Variants in CDH12 observed in about 807,000 individuals in gnomAD.
CDH12 encodes the protein cadherin-12.
Under a neutral mutation model 74.1 loss-of-function variants are expected in CDH12, and 41 were observed. The ratio of observed to expected loss-of-function variants is 0.55; its 90% CI spans 0.43 to 0.72. The LOEUF (loss-of-function observed/expected upper bound fraction) is 0.72. Among genes scored for constraint, CDH12 ranks in the 30% least tolerant of loss-of-function variants. The pLI is 0.00. For missense variants in CDH12, 945 were observed against 977.2 expected (o/e 0.97, Z 0.44); for synonymous variants, 399 against 355.0 (o/e 1.12, Z -1.39).
intron 3 of CDH12, among the ~76,000 whole-genome samples, chr5:22,397,693 A>T (rs1742517670): frequency 6.6e-6 from 1 of 152,106 alleles, no homozygotes; most frequent in Non-Finnish European, 1.5e-5. Context: ...GCTACAGTTT[A>T]ATTGTATTTC....
intron 3 of CDH12, among the ~76,000 whole-genome samples, chr5:22,355,167 A>G (rs1740509075): frequency 8.4e-6 from 1 of 118,468 alleles, no homozygotes. Context: ...TGGGTATCAT[A>G]ATGACTGTCA....
chr5:22,743,288 AT>A (rs1745127606), intron 1 of CDH12, among the ~76,000 whole-genome samples: 5 of 146,230 alleles, frequency 3.4e-5, no homozygotes, highest in Admixed American at 2.8e-4. Flanking sequence ...ATATGTATAT[AT>A]ATGTATATGT....
intron 1 of CDH12, among the ~76,000 whole-genome samples, chr5:22,769,358 C>A (rs906056039): frequency 6.6e-6 from 1 of 152,112 alleles, no homozygotes; most frequent in East Asian, 1.9e-4. Context: ...GTGCTGGATG[C>A]TTCCTGCCCT....
rs149070216 is a variant in CDH12 at position 22,629,758 on chromosome 5, C to A, written c.-522-124394G>T. 7.2e-5 allele frequency among the ~76,000 whole-genome samples: 11 copies of A among 152,114 alleles called. No homozygotes were observed. The South Asian group carries it at 8.3e-4, about 11-fold the overall frequency. ...TTAATGTAGTACTGGAAATCCTAGT[C>A]AGAGTAATTAGGTAAGAGAAAGAAA... is the stretch of plus-strand genomic sequence containing the variant. On this transcript the variant is annotated intron_variant, in intron 1 of 14. Transcript: ENST00000382254.
chr5:21,927,302 C>T (rs764917430), intron 6 of CDH12, among the ~76,000 whole-genome samples: 1 of 151,988 alleles, frequency 6.6e-6, no homozygotes, highest in Non-Finnish European at 1.5e-5. Context: ...TATAATAAAT[C>T]AGGCCGGGCA....
intron 6 of CDH12, among the ~76,000 whole-genome samples, chr5:21,918,696 T>A (rs963744048): frequency 3.3e-5 from 5 of 152,134 alleles, no homozygotes; most frequent in Admixed American, 2.6e-4. Context: ...TACCTCCACT[T>A]GGTCCCACTC....
chr5:22,623,999 G>A (rs1465513782), intron 1 of CDH12, among the ~76,000 whole-genome samples: 2 of 152,114 alleles, frequency 1.3e-5, no homozygotes, highest in Non-Finnish European at 2.9e-5. Flanking sequence ...AGAGCCCTCA[G>A]AAATAATACC....
chr5:22,164,164 C>T (rs1172048507), intron 4 of CDH12, among the ~76,000 whole-genome samples: 2 of 152,216 alleles, frequency 1.3e-5, no homozygotes, highest in African/African-American at 4.8e-5. Context: ...TCCAAAATGG[C>T]GGCGGGCCAC....
chr5:22,763,199 C>A (rs920274534), intron 1 of CDH12, among the ~76,000 whole-genome samples: 1 of 151,818 alleles, frequency 6.6e-6, no homozygotes, highest in African/African-American at 2.4e-5. Context: ...AGTCTGAGAA[C>A]CACATCTCTA....
chr5:22,268,875 T>C (rs1043497870), intron 3 of CDH12, among the ~76,000 whole-genome samples: 1 of 152,092 alleles, frequency 6.6e-6, no homozygotes, highest in African/African-American at 2.4e-5. Flanking sequence ...TTAGGCTAGG[T>C]GTGATCTCCT....
intron 3 of CDH12, among the ~76,000 whole-genome samples, chr5:22,335,258 C>A (rs1436729506): frequency 1.3e-5 from 2 of 152,136 alleles, no homozygotes; most frequent in Non-Finnish European, 2.9e-5. Context: ...GTGGGAGGGA[C>A]CCCGTGGGAG....
chr5:22,314,971 T>TTTTTTTTTTTA lies in CDH12; in HGVS notation c.-333+90285_-333+90286insTAAAAAAAAAA, dbSNP rs1738556943. On this transcript the variant is annotated intron_variant, in intron 3 of 14. Transcript: ENST00000382254. ...TTTTTTTTTTTTTTTTTTTTTTTTT[T>TTTTTTTTTTTA]GAGATGGAGTATCCCTCTGTCACCC... Among the ~76,000 whole-genome samples, 2 of 106,448 alleles carry TTTTTTTTTTTA rather than the reference T, an allele frequency of 1.9e-5. 1 individual carries two copies. Among genetic ancestry groups the TTTTTTTTTTTA allele is most frequent in the African/African-American group, 7.4e-5 (2 of 26,860 alleles). 69.8% of individuals were successfully genotyped at this position (106,448 alleles called of 152,430 possible).
chr5:22,736,482 T>C (rs1196439450), intron 1 of CDH12, among the ~76,000 whole-genome samples: 1 of 151,896 alleles, frequency 6.6e-6, no homozygotes, highest in African/African-American at 2.4e-5. Context: ...AAATATATGC[T>C]GTTAATAGCA....
intron 1 of CDH12, among the ~76,000 whole-genome samples, chr5:22,602,565 T>G (rs1273430163): frequency 6.6e-6 from 1 of 152,074 alleles, no homozygotes; most frequent in African/African-American, 2.4e-5. Flanking sequence ...ATAAAATTCA[T>G]GCAGAAGATT....
chr5:22,315,686 A>G (rs1214110695), intron 3 of CDH12, among the ~76,000 whole-genome samples: 4 of 152,292 alleles, frequency 2.6e-5, no homozygotes, highest in South Asian at 4.1e-4. Flanking sequence ...TGTATTTTTT[A>G]GAGTTTTAGG....
chr5:21,840,430 ATT>A (rs200209303), intron 8 of CDH12, among the ~76,000 whole-genome samples: 159 of 147,998 alleles, frequency 1.1e-3, no homozygotes, highest in African/African-American at 3.6e-3. Flanking sequence ...AAGATTTGTA[ATT>A]TTTTTTTTTT....
intron 6 of CDH12, among the ~76,000 whole-genome samples, chr5:21,907,286 C>T (rs372250700): frequency 5.9e-5 from 9 of 152,106 alleles, no homozygotes; most frequent in East Asian, 5.8e-4. Context: ...TGTGTGTGTA[C>T]GGGGAGTGGG....
intron 8 of CDH12, among the ~76,000 whole-genome samples, chr5:21,819,586 A>T (rs149712353): frequency 4.9e-4 from 75 of 152,132 alleles, no homozygotes; most frequent in Middle Eastern, 3.4e-3. Context: ...TGTTAGAAAA[A>T]GTCTAAATTT....
chr5:21,910,800 A>C (rs186675541), intron 6 of CDH12, among the ~76,000 whole-genome samples: 1 of 152,200 alleles, frequency 6.6e-6, no homozygotes, highest in East Asian at 1.9e-4. Flanking sequence ...TATCTACAAC[A>C]AAAGCCATCC....
Sources: allele counts gnomAD v4.1 joint callset (sites outside exome capture counted in the v4.1 genomes callset), GRCh38; gene constraint gnomAD v4.1.1; transcripts MANE v1.5; gene names NCBI Gene and HGNC (gene_info 2026-07-23, HGNC 2026-07-21).